The following ACKR4 variants were observed in gnomAD, a reference collection of about 807,000 sequenced individuals.
ACKR4 encodes C-C CKR-11.
ACKR4 carries 2 observed loss-of-function variants against 8.5 expected under a neutral mutation model. The ratio of observed to expected loss-of-function variants is 0.23; its 90% CI spans 0.10 to 0.74. The LOEUF (loss-of-function observed/expected upper bound fraction) is 0.74. ACKR4 is among the 30% of genes least tolerant of loss of function. The pLI is 0.75. For missense variants in ACKR4, 167 were observed against 422.1 expected, an observed-to-expected ratio of 0.40 and a Z score of 5.30; for synonymous variants, 67 against 145.0, an observed-to-expected ratio of 0.46 and a Z score of 3.86.
chr3:132,597,908 G>A (rs1938386865), intron 1 of ACKR4, among the ~76,000 whole-genome samples: 1 of 152,008 alleles, frequency 6.6e-6, no homozygotes. Flanking sequence ...CTTCCAGATT[G>A]GAACTTTTTA....
intron 1 of ACKR4, among the ~76,000 whole-genome samples, chr3:132,599,164 G>A (rs1366382058): frequency 6.6e-6 from 1 of 151,750 alleles, no homozygotes; most frequent in Non-Finnish European, 1.5e-5. Flanking sequence ...AATACAAAAA[G>A]TTATACAGAC....
In ACKR4 at chr3:132,601,801, A is replaced by G; in HGVS notation, c.*351A>G. On this transcript the variant is annotated 3_prime_UTR_variant, in exon 2 of 2. Coordinates refer to ENST00000249887, the MANE Select transcript of ACKR4 (RefSeq NM_016557.4). ...GATAAAATGACACAGAACTATATAC[A>G]CACATTGTACCAATTTCAATTTCCT... 2 of 357,400 alleles carry G rather than the reference A, an allele frequency of 5.6e-6. No individual in the cohort carries two copies. Among genetic ancestry groups the G allele is most frequent in the Non-Finnish European group, 1.1e-5 (2 of 179,050 alleles). 22.1% of individuals were successfully genotyped at this position (357,400 alleles called of 1,614,324 possible).
rs1381412752 is a variant in ACKR4, at chr3:132,600,442, A to C, written c.45A>C (p.Glu15Asp). The C allele has an allele frequency of 4.3e-6, 7 of 1,609,820 alleles. No homozygotes were observed. Among genetic ancestry groups the C allele is most frequent in the Non-Finnish European group, 5.9e-6 (7 of 1,178,096 alleles). Residue 15 changes from glutamate (E) to aspartate (D), a missense_variant, in exon 2 of 2, where the codon GAA becomes GAC. Glu to Asp is a conservative substitution (Grantham distance 45, BLOSUM62 2). Transcript: ENST00000249887. ...AGTCAACAGATTATTATTATGAGGA[A>C]AATGAAATGAATGGCACTTATGACT... ...QNQSTDYYYE[E>D]NEMNGTYDYS... is the part of the protein sequence containing the mutation.
chr3:132,601,680 G>T lies in ACKR4; in HGVS notation c.*230G>T, dbSNP rs1361562488. 1 of 481,870 alleles carries T rather than the reference G, an allele frequency of 2.1e-6. No individual in the cohort carries two copies. The highest frequency in any genetic ancestry group is 2.0e-5 in the African/African-American group (1 of 50,348). 29.8% of individuals were successfully genotyped at this position (481,870 alleles called of 1,614,324 possible). A position where few individuals can be genotyped will look rare whatever the true frequency, so the allele number is the denominator to read the frequency against. On this transcript the variant is annotated 3_prime_UTR_variant, in exon 2 of 2. Coordinates refer to ENST00000249887, the MANE Select transcript of ACKR4 (RefSeq NM_016557.4). ...CAATATAGGAAAATAATTGTAACAG[G>T]CATAAGTGAATAACACTCTGCTGTA...
At position 132,598,455 on chromosome 3, in the gene ACKR4, G is replaced by T. The variant is rs1314722793; in HGVS notation, c.-10+1132G>T. Among the ~76,000 whole-genome samples the T allele has an allele frequency of 2.0e-5, 3 of 152,306 alleles. No homozygotes were observed. In the East Asian group the frequency reaches 5.8e-4, roughly 29 times the overall value. ...TACTTTGTGCCAGGCACATTAACAA[G>T]ATTTTATTTACAAACACAAATCAAA... On this transcript the variant is annotated intron_variant, in intron 1 of 1. Coordinates refer to ENST00000249887, the MANE Select transcript of ACKR4 (RefSeq NM_016557.4).
In ACKR4 at chr3:132,600,874, C is replaced by A. The variant is rs146076474; in HGVS notation, c.477C>A (p.Phe159Leu). The A allele has an allele frequency of 4.2e-5, 67 of 1,613,782 alleles. No individual in the cohort carries two copies. Among genetic ancestry groups the A allele is most frequent in the Non-Finnish European group, 5.3e-5 (62 of 1,179,854 alleles). Residue 159 changes from phenylalanine to leucine, a missense_variant, in exon 2 of 2, where the codon TTC becomes TTA. Coordinates refer to ENST00000249887, the MANE Select transcript of ACKR4 (RefSeq NM_016557.4). ...GAAAACCATGCTGGATCATCTGTTT[C>A]TGTGTCTGGATGGCTGCCATCTTGC... ...GVGKPCWIIC[F>L]CVWMAAILLS...
Position 132,600,558 on chromosome 3 carries a change from T to A in ACKR4, c.161T>A (p.Ile54Asn). The change falls in exon 2 of 2, where the codon ATT becomes AAT. Residue 54 changes from isoleucine to asparagine, a missense_variant. Ile to Asn is a moderately radical substitution (Grantham distance 149). This residue lies in a region of ACKR4 where 149 missense variants were observed against 281.9 expected (regional missense o/e 0.53). Transcript: ENST00000249887. ...GTATTCCTCACAATAGTTTTCGTCATTGGACTTGCAGGCAATTCCATGGTA... is the reference window on the plus strand; with the variant it reads ...GTATTCCTCACAATAGTTTTCGTCAATGGACTTGCAGGCAATTCCATGGTA... Reference protein sequence around the residue: ...LPVFLTIVFVIGLAGNSMVVA... With the variant: ...LPVFLTIVFVNGLAGNSMVVA... 1 of 1,613,990 alleles carries A rather than the reference T, an allele frequency of 6.2e-7. No individual in the cohort carries two copies. Among genetic ancestry groups the A allele is most frequent in the Non-Finnish European group, 8.5e-7 (1 of 1,179,864 alleles).
At chr3:132,598,255 C>G (rs1478818472) in intron 1 of ACKR4, among the ~76,000 whole-genome samples, 1 of 152,098 alleles carries the variant, frequency 6.6e-6, no homozygotes, top group Non-Finnish European at 1.5e-5. Context: ...TTATACATTC[C>G]AAAACTTACG....
At chr3:132,600,318 G>C in intron 1 of ACKR4, 71 bp from the exon 2 acceptor site, 2 of 1,311,128 alleles carry the variant, frequency 1.5e-6, no homozygotes, top group Non-Finnish European at 2.1e-6. Flanking sequence ...GAACAAAACA[G>C]CTTGATAAAA....
intron 1 of ACKR4, among the ~76,000 whole-genome samples, chr3:132,598,727 G>C (rs1167733777): frequency 6.6e-6 from 1 of 152,216 alleles, no homozygotes; most frequent in Non-Finnish European, 1.5e-5. Flanking sequence ...GCTGCATGGT[G>C]GGTGCCAGCC....
chr3:132,598,003 T>C (rs567331300), intron 1 of ACKR4, among the ~76,000 whole-genome samples: 28 of 152,330 alleles, frequency 1.8e-4, no homozygotes, highest in African/African-American at 6.3e-4. Flanking sequence ...ATGTGGTGTC[T>C]TTCTTCAGAG....
intron 1 of ACKR4, among the ~76,000 whole-genome samples, chr3:132,599,596 GAAGAGTGCAGATT>G (rs1938478421): frequency 6.6e-6 from 1 of 152,164 alleles, no homozygotes; most frequent in Non-Finnish European, 1.5e-5. Flanking sequence ...CAAATGTGTG[GAAGAGTGCAGATT>G]AAGAGGAGAA....
At position 132,600,385 on chromosome 3, in the gene ACKR4, C is replaced by G; in HGVS notation, c.-9-4C>G. On this transcript the variant is annotated splice_polypyrimidine_tract_variant and splice_region_variant and intron_variant, in intron 1 of 1. Coordinates refer to ENST00000249887, the MANE Select transcript of ACKR4 (RefSeq NM_016557.4). ...ATCTATCCTGTATTCTCTTTGCCAT[C>G]TAGATTGGAGCCATGGCTTTGGAAC... 6.4e-7 allele frequency: 1 copy of G among 1,566,808 alleles called. No individual in the cohort carries two copies.
intron 1 of ACKR4, 130 bp from the exon 2 acceptor site, chr3:132,600,259 T>C: frequency 2.6e-6 from 2 of 762,022 alleles, no homozygotes; most frequent in South Asian, 4.1e-5. Flanking sequence ...CAAAGAGTGC[T>C]AGATTCAGGC....
Position 132,600,465 on chromosome 3 carries a change from A to T in ACKR4, c.68A>T (p.Asp23Val), listed in dbSNP as rs540931804. 8 of 1,613,454 alleles carry T rather than the reference A, an allele frequency of 5.0e-6. No individual in the cohort carries two copies. Among genetic ancestry groups the T allele is most frequent in the Admixed American group, 3.3e-5 (2 of 59,950 alleles). Residue 23 changes from aspartate to valine, a missense_variant, in exon 2 of 2, where the codon GAC (aspartate) becomes GTC (valine). This residue lies in a region of ACKR4 where 149 missense variants were observed against 281.9 expected (regional missense o/e 0.53). Transcript: ENST00000249887. ...GAAAATGAAATGAATGGCACTTATGACTACAGTCAATATGAACTGATCTGT... is the reference window on the plus strand; with the variant it reads ...GAAAATGAAATGAATGGCACTTATGTCTACAGTCAATATGAACTGATCTGT... The part of the protein sequence containing the change: ...YEENEMNGTY[D>V]YSQYELICIK...
intron 1 of ACKR4, among the ~76,000 whole-genome samples, chr3:132,598,186 G>C (rs891723653): frequency 1.3e-5 from 2 of 152,010 alleles, no homozygotes; most frequent in African/African-American, 2.4e-5. Flanking sequence ...AAAATAGAAA[G>C]GATAAGAAAA....
At chr3:132,600,316 C>G in intron 1 of ACKR4, 73 bp from the exon 2 acceptor site, 1 of 1,295,490 alleles carries the variant, frequency 7.7e-7, no homozygotes, top group Non-Finnish European at 1.0e-6. Context: ...AAGAACAAAA[C>G]AGCTTGATAA....
At position 132,600,840 on chromosome 3, in the gene ACKR4, C is replaced by T. The variant is rs762386214; in HGVS notation, c.443C>T (p.Ser148Leu). The change falls in exon 2 of 2, where the codon TCA (serine) becomes TTA (leucine). Residue 148 changes from serine to leucine, a missense_variant. Ser to Leu is a moderately radical substitution (Grantham distance 145, BLOSUM62 -2). Transcript: ENST00000249887. ...GCAGTAACTAAAGTCCCCAGCCAATCAGGAGTGGGAAAACCATGCTGGATC... is the reference window on the plus strand; with the variant it reads ...GCAGTAACTAAAGTCCCCAGCCAATTAGGAGTGGGAAAACCATGCTGGATC... ...YVAVTKVPSQ[S>L]GVGKPCWIIC... The T allele has an allele frequency of 1.2e-6, 2 of 1,613,914 alleles. No individual in the cohort carries two copies. The highest frequency in any genetic ancestry group is 1.3e-5 in the African/African-American group (1 of 74,940).
rs1576579271 is a variant in ACKR4, at chr3:132,601,596, TAA to T, written c.*149_*150del. On this transcript the variant is annotated 3_prime_UTR_variant, in exon 2 of 2. Coordinates refer to ENST00000249887, the MANE Select transcript of ACKR4 (RefSeq NM_016557.4). ...AATGGGTTGGGGGAAGGGGGAGAAA[TAA>T]AAGCCAAGAAGAGGAAACAAGATAA... 1 of 585,134 alleles carries T rather than the reference TAA, an allele frequency of 1.7e-6. No homozygotes were observed. Among genetic ancestry groups the T allele is most frequent in the East Asian group, 2.9e-5 (1 of 34,806 alleles). 36.2% of individuals were successfully genotyped at this position (585,134 alleles called of 1,614,324 possible). A position where few individuals can be genotyped will look rare whatever the true frequency, so the allele number is the denominator to read the frequency against.
Sources: gnomAD v4.1 joint callset for allele counts (sites outside exome capture counted in the v4.1 genomes callset) on GRCh38, gnomAD v4.1.1 for gene constraint, gnomAD v4.1.1 regional missense constraint, MANE v1.5 for transcripts, NCBI Gene and HGNC (gene_info 2026-07-23, HGNC 2026-07-21) for gene names.